The following TRPM3 variants were observed in gnomAD, a reference collection of about 807,000 sequenced individuals.
The protein encoded by TRPM3 is long transient receptor potential channel 3.
TRPM3 carries 77 observed loss-of-function variants against 181.2 expected under a neutral mutation model. The observed-to-expected ratio is 0.42, with a 90% CI of 0.35 to 0.51. TRPM3 has a LOEUF of 0.51. TRPM3 is among the 20% of genes least tolerant of loss of function. The probability of loss-of-function intolerance (pLI) is 0.01; values close to 1 mark genes in which losing one functional copy is unlikely to be tolerated. For synonymous variants in TRPM3, 745 were observed against 796.4 expected (o/e 0.94, Z 1.09); for missense variants, 1,759 against 2,196.7 (o/e 0.80, Z 3.98).
intron 1 of TRPM3, among the ~76,000 whole-genome samples, chr9:70,934,539 G>A (rs1248859823): frequency 6.6e-6 from 1 of 152,150 alleles, no homozygotes; most frequent in Non-Finnish European, 1.5e-5. Context: ...TCATATTCCT[G>A]TTTTGCCATG....
intron 9 of TRPM3, among the ~76,000 whole-genome samples, chr9:70,657,697 C>G (rs1407183326): frequency 6.6e-6 from 1 of 152,112 alleles, no homozygotes; most frequent in African/African-American, 2.4e-5. Context: ...AGTGCTTTGA[C>G]ATTGAGTTAC....
intron 1 of TRPM3, among the ~76,000 whole-genome samples, chr9:71,113,156 G>A (rs564500004): frequency 2.0e-4 from 31 of 152,318 alleles, no homozygotes; most frequent in Non-Finnish European, 3.8e-4. Context: ...TCTGGTGGCT[G>A]TGGGAAGGAT....
At chr9:71,140,905 C>A (rs1327177859) in intron 1 of TRPM3, among the ~76,000 whole-genome samples, 1 of 152,050 alleles carries the variant, frequency 6.6e-6, no homozygotes, top group Non-Finnish European at 1.5e-5. Flanking sequence ...TGGGGAGACC[C>A]GGGGGTTTTA....
chr9:71,365,116 T>C (rs1349905125), intron 1 of TRPM3, among the ~76,000 whole-genome samples: 3 of 152,118 alleles, frequency 2.0e-5, no homozygotes, highest in Non-Finnish European at 2.9e-5. Flanking sequence ...GCAAAGCCAA[T>C]TTCTCTTTTA....
chr9:70,986,926 A>C (rs1011408663), intron 1 of TRPM3, among the ~76,000 whole-genome samples: 2 of 151,696 alleles, frequency 1.3e-5, no homozygotes, highest in Non-Finnish European at 2.9e-5. Context: ...GAAATTTTCC[A>C]TATCTGTGCT....
chr9:70,633,079 G>A (rs889947008), intron 12 of TRPM3, among the ~76,000 whole-genome samples: 2 of 152,246 alleles, frequency 1.3e-5, no homozygotes, highest in East Asian at 1.9e-4. Flanking sequence ...TTGGATGAGC[G>A]ACTCTTTTTA....
intron 1 of TRPM3, among the ~76,000 whole-genome samples, chr9:70,881,761 T>G (rs965106690): frequency 1.3e-5 from 2 of 152,236 alleles, no homozygotes; most frequent in Admixed American, 6.5e-5. Context: ...TTCTGCAGTT[T>G]CCTTTACAGT....
At position 71,216,949 on chromosome 9, in the gene TRPM3, T is replaced by C. The variant is rs1042157356; in HGVS notation, c.183+229704A>G. Reference sequence around the variant, plus strand: ...TCAGTGGCCCTTTCTTTTTTTTTTTTTTTTTTTTTTTTTTTTTTTGAGACG... The same window carrying C: ...TCAGTGGCCCTTTCTTTTTTTTTTTCTTTTTTTTTTTTTTTTTTTGAGACG... On this transcript the variant is annotated intron_variant, in intron 1 of 24. Coordinates refer to the TRPM3 transcript ENST00000357533. 4.1e-5 allele frequency among the ~76,000 whole-genome samples: 5 copies of C among 122,992 alleles called. No homozygotes were observed. The South Asian group carries it at 9.4e-4, about 23-fold the overall frequency. 80.7% of individuals were successfully genotyped at this position (122,992 alleles called of 152,430 possible). A position where few individuals can be genotyped will look rare whatever the true frequency, so the allele number is the denominator to read the frequency against.
intron 1 of TRPM3, among the ~76,000 whole-genome samples, chr9:71,410,336 A>G (rs1324603959): frequency 5.9e-5 from 9 of 152,196 alleles, no homozygotes; most frequent in Admixed American, 5.2e-4. Flanking sequence ...GGTTTTTTGA[A>G]AAGCTCAACA....
intron 8 of TRPM3, among the ~76,000 whole-genome samples, chr9:70,682,507 GACTTTGTATTTCA>G (rs1388596486): frequency 2.6e-4 from 39 of 152,166 alleles, no homozygotes; most frequent in Non-Finnish European, 4.9e-4. Context: ...GAGTACATCT[GACTTTGTATTTCA>G]CCCTAGAACA....
At chr9:70,862,804 T>A in intron 3 of TRPM3, 104 bp downstream of exon 3, 1 of 1,131,562 alleles carries the variant, frequency 8.8e-7, no homozygotes, top group Non-Finnish European at 1.3e-6. Flanking sequence ...AGTGGCAGAG[T>A]GGAGATTAGG....
At chr9:71,411,256 C>T (rs1169401296) in intron 1 of TRPM3, among the ~76,000 whole-genome samples, 1 of 152,120 alleles carries the variant, frequency 6.6e-6, no homozygotes, top group Admixed American at 6.6e-5. Flanking sequence ...TGGCCAGGGC[C>T]ATCAGACAGG....
chr9:71,189,496 A>T (rs2077879721), intron 1 of TRPM3, among the ~76,000 whole-genome samples: 1 of 151,814 alleles, frequency 6.6e-6, no homozygotes, highest in Non-Finnish European at 1.5e-5. Context: ...TTTTGCCCCA[A>T]AGACAGGATT....
At position 71,439,880 on chromosome 9, in the gene TRPM3, G is replaced by C. The variant is rs138808223; in HGVS notation, c.183+6773C>G. On this transcript the variant is annotated intron_variant, in intron 1 of 24. Transcript: ENST00000357533. The stretch of plus-strand genomic sequence containing the variant: ...TCACACCTGTAATCCCAGCACTTTC[G>C]GAGGCCAAGGCAGGCAGATCACGAG... 7.0e-3 allele frequency among the ~76,000 whole-genome samples: 1,059 copies of C among 152,038 alleles called. 10 individuals are homozygous for C. The highest frequency in any genetic ancestry group is 0.023 in the African/African-American group (970 of 41,468).
intron 1 of TRPM3, among the ~76,000 whole-genome samples, chr9:71,112,634 C>T (rs1207023467): frequency 3.9e-5 from 6 of 152,068 alleles, no homozygotes; most frequent in Admixed American, 3.3e-4. Flanking sequence ...ATCTAACACC[C>T]GAGACATTCT....
At chr9:70,690,236 GT>G (rs2068113852) in intron 8 of TRPM3, among the ~76,000 whole-genome samples, 1 of 152,116 alleles carries the variant, frequency 6.6e-6, no homozygotes, top group Admixed American at 6.6e-5. Flanking sequence ...TTGACAAATG[GT>G]TTGTAACATG....
intron 5 of TRPM3, among the ~76,000 whole-genome samples, chr9:70,830,886 T>C (rs2093847772): frequency 1.3e-5 from 2 of 152,240 alleles, no homozygotes; most frequent in African/African-American, 4.8e-5. Context: ...GGCTCTGCTC[T>C]ATTTTACCAA....
At chr9:70,584,171 C>T (rs1056928533) in intron 22 of TRPM3, among the ~76,000 whole-genome samples, 1 of 152,152 alleles carries the variant, frequency 6.6e-6, no homozygotes, top group Non-Finnish European at 1.5e-5. Flanking sequence ...TCCCGAAATG[C>T]ATGAGCCACT....
intron 1 of TRPM3, among the ~76,000 whole-genome samples, chr9:71,010,932 TACACACAC>T (rs60869396): frequency 7.4e-4 from 109 of 147,166 alleles, no homozygotes; most frequent in East Asian, 2.0e-3. Context: ...CACACACACA[TACACACAC>T]ACACACACAC....
Sources: gnomAD v4.1 joint callset for allele counts (sites outside exome capture counted in the v4.1 genomes callset) on GRCh38, gnomAD v4.1.1 for gene constraint, MANE v1.5 for transcripts, NCBI Gene and HGNC (gene_info 2026-07-23, HGNC 2026-07-21) for gene names.